The following CSTL1 variants were observed in gnomAD, a reference collection of about 807,000 sequenced individuals.
The protein encoded by CSTL1 is cystatin like 1.
Under a neutral mutation model 14.4 loss-of-function variants are expected in CSTL1, and 14 were observed. The ratio of observed to expected loss-of-function variants is 0.97; its 90% CI spans 0.64 to 1.52. The LOEUF (loss-of-function observed/expected upper bound fraction) is 1.52, where lower values mean the gene tolerates loss of function less well. Among genes scored for constraint, CSTL1 ranks in the 40% most tolerant of loss-of-function variants. The pLI is 0.00. For synonymous variants in CSTL1, 72 were observed against 67.5 expected (o/e 1.07, Z -0.33); for missense variants, 170 against 168.7 (o/e 1.01, Z -0.04).
At chr20:23,443,891 G>T (rs1318872056) in intron 2 of CSTL1, 43 bp from the exon 3 acceptor site, 2 of 1,450,494 alleles carry the variant, frequency 1.4e-6, no homozygotes, top group East Asian at 4.6e-5. Flanking sequence ...TCAGCCACTG[G>T]ATGCTTGGAG....
the CSTL1 span, chr20:23,450,596 C>A: frequency 6.3e-7 from 1 of 1,598,108 alleles, no homozygotes; most frequent in East Asian, 2.2e-5. Context: ...CTTGCTAAAA[C>A]AAAAAACAAA....
At chr20:23,443,856 C>T in intron 2 of CSTL1, 78 bp from the exon 3 acceptor site, 1 of 1,028,166 alleles carries the variant, frequency 9.7e-7, no homozygotes. Context: ...GCTTTACTCT[C>T]AGTCCTAGCT....
downstream of CSTL1, among the ~76,000 whole-genome samples, chr20:23,449,312 C>G (rs1465215755): frequency 6.6e-6 from 1 of 152,146 alleles, no homozygotes; most frequent in African/African-American, 2.4e-5. Flanking sequence ...CCCCTAAGAG[C>G]CAATACTGAT....
rs537759873 is a variant in CSTL1 at position 23,441,560 on chromosome 20, T to C, written c.219+1074T>C. Among the ~76,000 whole-genome samples the C allele has an allele frequency of 3.9e-5, 6 of 152,336 alleles. No homozygotes were observed. The South Asian group carries it at 8.3e-4, about 21-fold the overall frequency. ...AATGGAATAGTGTTTCCACATAACC[T>C]ATGCACATCTTCCCACATATGGTAA... On this transcript the variant is annotated intron_variant, in intron 2 of 3. Transcript: ENST00000347397.
downstream of CSTL1, chr20:23,445,016 A>ACCT (rs1986937088): frequency 3.0e-6 from 2 of 664,030 alleles, no homozygotes; most frequent in South Asian, 3.4e-5. Flanking sequence ...GCACATACTT[A>ACCT]CCTTCACAAC....
chr20:23,457,052 G>A, the CSTL1 span, among the ~76,000 whole-genome samples: 1 of 152,182 alleles, frequency 6.6e-6, no homozygotes, highest in African/African-American at 2.4e-5. Flanking sequence ...GACATCTCGG[G>A]TGGGGTGTTA....
At position 23,443,944 on chromosome 20, in the gene CSTL1, G is replaced by T. The variant is rs1986901403; in HGVS notation, c.230G>T (p.Gly77Val). ...LIRSQMQLTTGVEYIVTVKIG... is the reference protein window; with the variant it reads ...LIRSQMQLTTVVEYIVTVKIG... ...ACTGATTCTCGGCAGCTGACGACGG[G>T]AGTGGAGTATATAGTCACTGTGAAG... Residue 77 changes from glycine (G) to valine (V), a missense_variant, in exon 3 of 4, where the codon GGA becomes GTA. Transcript: ENST00000347397. 1 of 1,613,624 alleles carries T rather than the reference G, an allele frequency of 6.2e-7. No individual in the cohort carries two copies. The highest frequency in any genetic ancestry group is 1.3e-5 in the African/African-American group (1 of 74,910).
the CSTL1 span, among the ~76,000 whole-genome samples, chr20:23,460,985 T>C: frequency 6.6e-6 from 1 of 152,228 alleles, no homozygotes; most frequent in African/African-American, 2.4e-5. Flanking sequence ...TGCAAATTGA[T>C]AGTTTGTCTT....
At chr20:23,459,935 T>C in the CSTL1 span, among the ~76,000 whole-genome samples, 1 of 152,234 alleles carries the variant, frequency 6.6e-6, no homozygotes, top group Non-Finnish European at 1.5e-5. Flanking sequence ...GCTAGTTTTA[T>C]ACCACTGCTG....
the CSTL1 span, among the ~76,000 whole-genome samples, chr20:23,455,807 C>T: frequency 6.6e-6 from 1 of 152,228 alleles, no homozygotes; most frequent in East Asian, 1.9e-4. Context: ...TGGTTGATCT[C>T]GTCAGTGGCC....
chr20:23,457,713 T>C, the CSTL1 span: 1 of 152,216 alleles, frequency 6.6e-6, no homozygotes, highest in Non-Finnish European at 1.5e-5. Flanking sequence ...ACCCCTCTTC[T>C]ACAGTCTCAG....
chr20:23,460,947 G>A, the CSTL1 span, among the ~76,000 whole-genome samples: 16 of 152,154 alleles, frequency 1.1e-4, no homozygotes, highest in Non-Finnish European at 1.9e-4. Flanking sequence ...GAAATTCCTG[G>A]TGAGATGTTA....
the CSTL1 span, among the ~76,000 whole-genome samples, chr20:23,460,105 A>G: frequency 6.6e-6 from 1 of 152,220 alleles, no homozygotes; most frequent in Non-Finnish European, 1.5e-5. Context: ...GGCCTCCCCA[A>G]GTCCTTTATA....
the CSTL1 span, chr20:23,450,442 A>G: frequency 1.5e-5 from 15 of 1,005,046 alleles, no homozygotes; most frequent in Non-Finnish European, 2.2e-5. Flanking sequence ...GCCTATATTA[A>G]GGATTATTGC....
chr20:23,452,700 T>A, the CSTL1 span: 10 of 1,613,930 alleles, frequency 6.2e-6, no homozygotes, highest in Non-Finnish European at 8.5e-6. Context: ...TCTACTGCCA[T>A]CACTTCATGG....
chr20:23,452,512 T>C, the CSTL1 span: 1 of 924,926 alleles, frequency 1.1e-6, no homozygotes, highest in Non-Finnish European at 1.8e-6. Context: ...TGAGTGGGAC[T>C]ATTCCTGACA....
downstream of CSTL1, among the ~76,000 whole-genome samples, chr20:23,449,500 G>C (rs756776906): frequency 2.0e-5 from 3 of 152,148 alleles, no homozygotes; most frequent in Non-Finnish European, 2.9e-5. Flanking sequence ...GAGCTCTTGG[G>C]AACAAGATCT....
chr20:23,441,819 T>C (rs1986840074), intron 2 of CSTL1, among the ~76,000 whole-genome samples: 1 of 152,138 alleles, frequency 6.6e-6, no homozygotes, highest in Non-Finnish European at 1.5e-5. Context: ...ACGTCCTAGT[T>C]CAATTAGCTA....
the CSTL1 span, among the ~76,000 whole-genome samples, chr20:23,451,279 A>C: frequency 7.0e-6 from 1 of 142,268 alleles, no homozygotes; most frequent in Non-Finnish European, 1.5e-5. Flanking sequence ...TTGGAGCTGG[A>C]GCTGCCTTCG....
Sources: gnomAD v4.1 joint callset for allele counts (sites outside exome capture counted in the v4.1 genomes callset) on GRCh38, gnomAD v4.1.1 for gene constraint, MANE v1.5 for transcripts, NCBI Gene and HGNC (gene_info 2026-07-23, HGNC 2026-07-21) for gene names.